FGF10: variants seen among roughly 807,000 people sequenced by gnomAD.
FGF10 encodes FGF-10.
FGF10 carries 2 observed loss-of-function variants against 19.8 expected under a neutral mutation model. That is an observed-to-expected ratio of 0.10 (90% CI 0.04 to 0.32). The LOEUF is 0.32. FGF10 is among the 10% of genes least tolerant of loss of function. The pLI is 1.00. For missense variants in FGF10, 191 were observed against 246.3 expected, an observed-to-expected ratio of 0.78 and a Z score of 1.50; for synonymous variants, 112 against 94.0, an observed-to-expected ratio of 1.19 and a Z score of -1.10.
chr5:44,308,435 G>A (rs923703344), intron 2 of FGF10, among the ~76,000 whole-genome samples: 19 of 151,916 alleles, frequency 1.3e-4, no homozygotes, highest in Admixed American at 5.2e-4. Context: ...GCTTTAGGAC[G>A]TTGGGTCTAG....
chr5:44,316,191 T>C (rs1561198861), intron 1 of FGF10, among the ~76,000 whole-genome samples: 1 of 152,108 alleles, frequency 6.6e-6, no homozygotes, highest in African/African-American at 2.4e-5. Context: ...TACCTGATAA[T>C]CTGGGGTGGA....
intron 1 of FGF10, among the ~76,000 whole-genome samples, chr5:44,321,654 TAAC>T (rs1740492464): frequency 6.6e-6 from 1 of 152,214 alleles, no homozygotes; most frequent in African/African-American, 2.4e-5. Context: ...CACTTGAACT[TAAC>T]AACATTTTGC....
At chr5:44,385,636 A>G (rs988452273) in intron 1 of FGF10, among the ~76,000 whole-genome samples, 5 of 152,190 alleles carry the variant, frequency 3.3e-5, no homozygotes, top group African/African-American at 1.2e-4. Flanking sequence ...TGTTACTGAA[A>G]TGTGGTTTTT....
intron 1 of FGF10, among the ~76,000 whole-genome samples, chr5:44,361,279 CA>C (rs1386522773): frequency 6.6e-6 from 1 of 151,630 alleles, no homozygotes; most frequent in Non-Finnish European, 1.5e-5. Context: ...TTTCTGAGTT[CA>C]AACATTTTTA....
chr5:44,370,010 C>T (rs1258594605), intron 1 of FGF10, among the ~76,000 whole-genome samples: 2 of 151,996 alleles, frequency 1.3e-5, no homozygotes, highest in Non-Finnish European at 2.9e-5. Flanking sequence ...TATGTGTGAA[C>T]ATATTTGCCC....
At chr5:44,376,254 C>G (rs1450314901) in intron 1 of FGF10, among the ~76,000 whole-genome samples, 1 of 151,760 alleles carries the variant, frequency 6.6e-6, no homozygotes, top group Admixed American at 6.6e-5. Context: ...TGGCTACGAT[C>G]ACACAACTAT....
At chr5:44,378,427 C>A (rs1204853331) in intron 1 of FGF10, among the ~76,000 whole-genome samples, 1 of 152,110 alleles carries the variant, frequency 6.6e-6, no homozygotes, top group Non-Finnish European at 1.5e-5. Flanking sequence ...AATTCCAAAT[C>A]AAATTTCAGG....
chr5:44,316,603 T>C (rs1740356322), intron 1 of FGF10, among the ~76,000 whole-genome samples: 1 of 152,158 alleles, frequency 6.6e-6, no homozygotes, highest in Non-Finnish European at 1.5e-5. Flanking sequence ...AAGCACAGCT[T>C]TGATGCAAAA....
rs181503772 is a variant in FGF10 at position 44,303,325 on chromosome 5, C to T, written c.*1670G>A. 4.6e-5 allele frequency among the ~76,000 whole-genome samples: 7 copies of T among 152,152 alleles called. No individual in the cohort carries two copies. Among genetic ancestry groups the T allele is most frequent in the Admixed American group, 2.0e-4 (3 of 15,268 alleles). ...ATAAGTTTGTTGGAGAATCACAGAA[C>T]GCCAGCATTTCCAAAGGTTAAACTT... On this transcript the variant is annotated 3_prime_UTR_variant, in exon 3 of 3. Transcript: ENST00000264664.
At chr5:44,357,689 C>T (rs532708548) in intron 1 of FGF10, among the ~76,000 whole-genome samples, 1 of 151,402 alleles carries the variant, frequency 6.6e-6, no homozygotes, top group African/African-American at 2.4e-5. Context: ...TGCTATTTTG[C>T]CTCTCTTTGT....
chr5:44,362,584 C>T (rs1397980801), intron 1 of FGF10, among the ~76,000 whole-genome samples: 1 of 151,634 alleles, frequency 6.6e-6, no homozygotes, highest in Non-Finnish European at 1.5e-5. Flanking sequence ...GTCCTCTTAT[C>T]CCATATAGAG....
chr5:44,330,452 G>T (rs572937723), intron 1 of FGF10, among the ~76,000 whole-genome samples: 1 of 152,130 alleles, frequency 6.6e-6, no homozygotes, highest in African/African-American at 2.4e-5. Flanking sequence ...AAGCCTTTTG[G>T]CATTAACTAC....
chr5:44,326,127 C>T (rs547653973), intron 1 of FGF10, among the ~76,000 whole-genome samples: 121 of 152,254 alleles, frequency 7.9e-4, no homozygotes, highest in Non-Finnish European at 1.3e-3. Flanking sequence ...TAATTAAACT[C>T]TGGCAAACCA....
intron 1 of FGF10, among the ~76,000 whole-genome samples, chr5:44,324,905 C>T (rs1437029473): frequency 6.6e-6 from 1 of 152,110 alleles, no homozygotes; most frequent in Non-Finnish European, 1.5e-5. Flanking sequence ...CAAATGTTTC[C>T]TCTTTTTTTG....
At chr5:44,346,366 T>C (rs897976488) in intron 1 of FGF10, among the ~76,000 whole-genome samples, 1 of 151,888 alleles carries the variant, frequency 6.6e-6, no homozygotes, top group Non-Finnish European at 1.5e-5. Flanking sequence ...TAAAATTATA[T>C]CATGTTTTTC....
At chr5:44,349,491 A>AATATATATATATCAGAAT (rs200499069) in intron 1 of FGF10, among the ~76,000 whole-genome samples, 1 of 36,794 alleles carries the variant, frequency 2.7e-5, no homozygotes, top group Non-Finnish European at 5.7e-5. Flanking sequence ...TATATATCAG[A>AATATATATATATCAGAAT]ATATATATAT....
At chr5:44,307,494 A>G (rs1429273013) in intron 2 of FGF10, among the ~76,000 whole-genome samples, 4 of 152,200 alleles carry the variant, frequency 2.6e-5, no homozygotes, top group Admixed American at 6.5e-5. Context: ...TCAAAATACA[A>G]TAGATAAATT....
intron 1 of FGF10, among the ~76,000 whole-genome samples, chr5:44,366,127 C>CTTTTTTTTTTTTTTTTTTTTTTTT (rs35522683): frequency 1.3e-5 from 1 of 74,810 alleles, no homozygotes; most frequent in Non-Finnish European, 2.3e-5. Flanking sequence ...CAATTATTTC[C>CTTTTTTTTTTTTTTTTTTTTTTTT]TTTTTTTTTT....
chr5:44,378,199 C>G (rs1001136275), intron 1 of FGF10, among the ~76,000 whole-genome samples: 1 of 152,126 alleles, frequency 6.6e-6, no homozygotes, highest in Admixed American at 6.5e-5. Flanking sequence ...GCTGAATAAA[C>G]TGTGCCCCTG....
Sources: gnomAD v4.1 joint callset for allele counts (sites outside exome capture counted in the v4.1 genomes callset) on GRCh38, gnomAD v4.1.1 for gene constraint, MANE v1.5 for transcripts, NCBI Gene and HGNC (gene_info 2026-07-23, HGNC 2026-07-21) for gene names.